Variants in LINC00305 observed in about 807,000 individuals in gnomAD.
LINC00305 encodes the protein long intergenic non-protein coding RNA 305.
In LINC00305 at chr18:64,089,765, C is replaced by T. The variant is rs148961784; in HGVS notation, n.540+8069G>A. 3.3e-3 allele frequency among the ~76,000 whole-genome samples: 505 copies of T among 152,260 alleles called. 2 individuals carry two copies. Among genetic ancestry groups the T allele is most frequent in the Non-Finnish European group, 5.9e-3 (399 of 68,022 alleles). On this transcript the variant is annotated intron_variant and non_coding_transcript_variant, in intron 3 of 3. Coordinates refer to ENST00000666468, the Ensembl canonical transcript of LINC00305. Reference sequence around the variant, plus strand: ...CGGTGGAAGGCAAGGAGGAGCAAGTCGCGTCTTATATGGATGGCAGCAAGG... The same window carrying T: ...CGGTGGAAGGCAAGGAGGAGCAAGTTGCGTCTTATATGGATGGCAGCAAGG...
intron 1 of LINC00305, among the ~76,000 whole-genome samples, chr18:64,125,655 T>C (rs573060439): frequency 1.2e-4 from 19 of 152,198 alleles, no homozygotes; most frequent in South Asian, 8.3e-4. Context: ...CTTAAATTTG[T>C]CCTGTTATCC....
intron 3 of LINC00305, among the ~76,000 whole-genome samples, chr18:64,086,862 T>C (rs2144892567): frequency 6.6e-6 from 1 of 152,306 alleles, no homozygotes; most frequent in South Asian, 2.1e-4. Flanking sequence ...GGATGAATAA[T>C]TTATAAGGTA....
intron 1 of LINC00305, among the ~76,000 whole-genome samples, chr18:64,148,407 ATT>A (rs11338483): frequency 0.77 from 115,939 of 150,124 alleles, 45,780 homozygotes; most frequent in Middle Eastern, 0.88. Context: ...AGAAAAATGC[ATT>A]TTTTTTTTTT....
chr18:64,117,110 T>G (rs1385467372), intron 1 of LINC00305, among the ~76,000 whole-genome samples: 1 of 152,118 alleles, frequency 6.6e-6, no homozygotes, highest in African/African-American at 2.4e-5. Flanking sequence ...AAGCTTAGTG[T>G]TTTTTTGGAA....
chr18:64,094,856 AAAATAAATAAAT>A (rs754074493), intron 3 of LINC00305, among the ~76,000 whole-genome samples: 5 of 120,768 alleles, frequency 4.1e-5, no homozygotes, highest in East Asian at 2.3e-4. Flanking sequence ...TTCATCTCAA[AAAATAAATAAAT>A]AAATAAATAA....
At chr18:64,102,939 T>C (rs2051273584) in intron 1 of LINC00305, among the ~76,000 whole-genome samples, 2 of 152,246 alleles carry the variant, frequency 1.3e-5, no homozygotes, top group South Asian at 4.1e-4. Flanking sequence ...GAACGTGAGA[T>C]TTGGTTGGGG....
chr18:64,084,353 T>C (rs1191727766), intron 3 of LINC00305, among the ~76,000 whole-genome samples: 1 of 152,034 alleles, frequency 6.6e-6, no homozygotes, highest in Non-Finnish European at 1.5e-5. Flanking sequence ...CATACGTGGG[T>C]GACAAAATAG....
chr18:64,106,589 C>T (rs967069078), intron 1 of LINC00305, among the ~76,000 whole-genome samples: 3 of 152,104 alleles, frequency 2.0e-5, no homozygotes, highest in African/African-American at 7.2e-5. Context: ...TCTGCTGCCT[C>T]AATATATAAA....
At chr18:64,132,367 C>G (rs2051413447) in intron 1 of LINC00305, among the ~76,000 whole-genome samples, 1 of 152,110 alleles carries the variant, frequency 6.6e-6, no homozygotes, top group Non-Finnish European at 1.5e-5. Flanking sequence ...TCTCTTGGTT[C>G]CTTATGTCTA....
chr18:64,143,679 T>TATGTACACATATTATGCGTACATGC (rs2051480300), intron 1 of LINC00305, among the ~76,000 whole-genome samples: 1 of 149,642 alleles, frequency 6.7e-6, no homozygotes, highest in East Asian at 2.0e-4. Flanking sequence ...TATACATATG[T>TATGTACACATATTATGCGTACATGC]ATGTCCACAT....
intron 1 of LINC00305, chr18:64,139,417 G>T (rs895920589): frequency 6.6e-6 from 1 of 152,140 alleles, no homozygotes; most frequent in Non-Finnish European, 1.5e-5. Context: ...TGGTGCTCCT[G>T]GTTTGTGGTT....
rs935897020 is a variant in LINC00305 at position 64,120,004 on chromosome 18, A to G, written n.315-21364T>C. 2.0e-5 allele frequency among the ~76,000 whole-genome samples: 3 copies of G among 152,142 alleles called. No homozygotes were observed. In the East Asian group the frequency reaches 5.8e-4, roughly 29 times the overall value. Reference sequence around the variant, plus strand: ...ACGAACAGCCAATGCCACAAAAAAAACAAAATAAGCTTTGGGTCTAAAGTA... The same window carrying G: ...ACGAACAGCCAATGCCACAAAAAAAGCAAAATAAGCTTTGGGTCTAAAGTA... On this transcript the variant is annotated intron_variant and non_coding_transcript_variant, in intron 1 of 3. Transcript: ENST00000666468.
chr18:64,144,928 G>A (rs553016009), intron 1 of LINC00305, among the ~76,000 whole-genome samples: 2 of 152,162 alleles, frequency 1.3e-5, no homozygotes, highest in South Asian at 2.1e-4. Flanking sequence ...TGTGACCCTC[G>A]TGGAGAGCCT....
At chr18:64,091,298 C>T (rs1167170089) in intron 3 of LINC00305, among the ~76,000 whole-genome samples, 1 of 152,220 alleles carries the variant, frequency 6.6e-6, no homozygotes, top group Non-Finnish European at 1.5e-5. Context: ...AACTCCCAAA[C>T]ATCATGTGTT....
intron 3 of LINC00305, among the ~76,000 whole-genome samples, chr18:64,084,955 G>C (rs1245044905): frequency 6.6e-6 from 1 of 152,246 alleles, no homozygotes; most frequent in Non-Finnish European, 1.5e-5. Flanking sequence ...GTTTGGAAAA[G>C]AGTATGAGAA....
chr18:64,100,051 CAT>C (rs1274780462), intron 1 of LINC00305, among the ~76,000 whole-genome samples: 1 of 152,138 alleles, frequency 6.6e-6, no homozygotes, highest in Admixed American at 6.5e-5. Flanking sequence ...CGACATAGCA[CAT>C]ATATTTTTAA....
At chr18:64,087,297 G>A (rs986034026) in intron 3 of LINC00305, among the ~76,000 whole-genome samples, 1 of 152,050 alleles carries the variant, frequency 6.6e-6, no homozygotes, top group Non-Finnish European at 1.5e-5. Context: ...GCATCATATT[G>A]CATAGTTAAC....
chr18:64,110,982 T>C (rs1049663628), intron 1 of LINC00305, among the ~76,000 whole-genome samples: 3 of 152,176 alleles, frequency 2.0e-5, no homozygotes, highest in African/African-American at 7.2e-5. Flanking sequence ...TCCTGATTAG[T>C]GCTTCAGAAT....
chr18:64,147,678 T>C (rs887657953), intron 1 of LINC00305, among the ~76,000 whole-genome samples: 2 of 152,160 alleles, frequency 1.3e-5, no homozygotes, highest in African/African-American at 2.4e-5. Context: ...AGTATTTTAG[T>C]TGTTCTCGCC....
Sources: gnomAD v4.1 joint callset for allele counts (sites outside exome capture counted in the v4.1 genomes callset) on GRCh38, gnomAD v4.1.1 for gene constraint, MANE v1.5 for transcripts, NCBI Gene and HGNC (gene_info 2026-07-23, HGNC 2026-07-21) for gene names.